TBC1D12: variants seen among roughly 807,000 people sequenced by gnomAD.
TBC1D12 encodes the protein TBC1 domain family member 12.
In TBC1D12, 56 loss-of-function variants were observed where a neutral mutation model predicts 86.7. The observed-to-expected ratio is 0.65, with a 90% CI of 0.52 to 0.81. The LOEUF (loss-of-function observed/expected upper bound fraction) is 0.81. TBC1D12 is among the 30% of genes least tolerant of loss of function. The probability of loss-of-function intolerance (pLI) is 0.00; values close to 1 mark genes in which losing one functional copy is unlikely to be tolerated. For synonymous variants in TBC1D12, 421 were observed against 411.7 expected, an observed-to-expected ratio of 1.02 and a Z score of -0.27; for missense variants, 1,023 against 1,038.8, an observed-to-expected ratio of 0.98 and a Z score of 0.21.
At chr10:94,472,775 G>T (rs2055927785) in intron 2 of TBC1D12, among the ~76,000 whole-genome samples, 1 of 152,110 alleles carries the variant, frequency 6.6e-6, no homozygotes, top group African/African-American at 2.4e-5. Context: ...TATTGTTTTT[G>T]ATTATGAACG....
At chr10:94,447,165 ACTTTC>A (rs1050597288) in intron 2 of TBC1D12, among the ~76,000 whole-genome samples, 6 of 151,448 alleles carry the variant, frequency 4.0e-5, no homozygotes, top group Admixed American at 1.3e-4. Flanking sequence ...ATCTCAGTTC[ACTTTC>A]CTTTCACATT....
intron 4 of TBC1D12, among the ~76,000 whole-genome samples, 170 bp from the exon 5 acceptor site, chr10:94,496,885 T>C (rs1051897350): frequency 5.3e-5 from 8 of 152,202 alleles, no homozygotes; most frequent in Non-Finnish European, 1.0e-4. Context: ...TCATTTACTT[T>C]CACTTTTTCC....
At chr10:94,427,833 C>CAAAAAAAAAAAA (rs71031576) in intron 1 of TBC1D12, among the ~76,000 whole-genome samples, 3 of 67,048 alleles carry the variant, frequency 4.5e-5, no homozygotes, top group African/African-American at 5.9e-5. Flanking sequence ...CCCTGTCTCA[C>CAAAAAAAAAAAA]AAAAAAAAAA....
intron 4 of TBC1D12, among the ~76,000 whole-genome samples, chr10:94,496,789 A>T (rs1369866189): frequency 1.3e-5 from 2 of 152,228 alleles, no homozygotes; most frequent in Non-Finnish European, 2.9e-5. Flanking sequence ...ATTTAAGTCC[A>T]GGAGTTCAAG....
intron 3 of TBC1D12, among the ~76,000 whole-genome samples, chr10:94,484,350 C>T (rs1209355903): frequency 2.0e-5 from 3 of 151,266 alleles, no homozygotes; most frequent in East Asian, 1.9e-4. Context: ...TGGGTTCAAG[C>T]GATTCTCCTG....
At chr10:94,476,556 A>C (rs2055990923) in intron 3 of TBC1D12, among the ~76,000 whole-genome samples, 1 of 152,224 alleles carries the variant, frequency 6.6e-6, no homozygotes, top group South Asian at 2.1e-4. Flanking sequence ...AAACAAGAAA[A>C]GAATAACTTG....
chr10:94,505,311 G>A (rs759062324), intron 6 of TBC1D12, among the ~76,000 whole-genome samples: 2 of 152,166 alleles, frequency 1.3e-5, no homozygotes, highest in Non-Finnish European at 2.9e-5. Flanking sequence ...TGGTGTGGTG[G>A]CTTACGCCTG....
chr10:94,513,522 C>T (rs576059987), intron 9 of TBC1D12, among the ~76,000 whole-genome samples: 2 of 152,182 alleles, frequency 1.3e-5, no homozygotes, highest in South Asian at 4.1e-4. Flanking sequence ...TAATATTTTA[C>T]ATTTTTGCTT....
chr10:94,409,765 A>G (rs1270771075), intron 1 of TBC1D12, among the ~76,000 whole-genome samples: 2 of 152,182 alleles, frequency 1.3e-5, no homozygotes, highest in African/African-American at 2.4e-5. Flanking sequence ...AAATCTCTAC[A>G]TTATCCAAAA....
At chr10:94,495,323 C>T (rs541806549) in intron 4 of TBC1D12, among the ~76,000 whole-genome samples, 25 of 152,210 alleles carry the variant, frequency 1.6e-4, no homozygotes, top group African/African-American at 5.8e-4. Flanking sequence ...CATGCCCAGC[C>T]CCAGCTCATT....
At chr10:94,424,945 A>G (rs1490414693) in intron 1 of TBC1D12, among the ~76,000 whole-genome samples, 6 of 152,328 alleles carry the variant, frequency 3.9e-5, no homozygotes, top group South Asian at 4.1e-4. Context: ...CAGCTGTCCC[A>G]TAGGGAGGTG....
At chr10:94,521,883 G>A in intron 9 of TBC1D12, 72 bp from the exon 10 acceptor site, 3 of 1,313,014 alleles carry the variant, frequency 2.3e-6, no homozygotes, top group South Asian at 4.3e-5. Flanking sequence ...AATTTTTCAG[G>A]AGTACAATAA....
chr10:94,508,827 TTTTCCCCTTG>T (rs1298031687), intron 7 of TBC1D12: 5 of 152,220 alleles, frequency 3.3e-5, no homozygotes, highest in Non-Finnish European at 7.3e-5. Flanking sequence ...TGTCGGCTGT[TTTTCCCCTTG>T]TTTCCCCTTT....
chr10:94,465,012 G>A (rs986051333), intron 2 of TBC1D12, among the ~76,000 whole-genome samples: 2 of 152,196 alleles, frequency 1.3e-5, no homozygotes, highest in South Asian at 2.1e-4. Context: ...GTAGTAAAGA[G>A]AAGAACGTTT....
At chr10:94,521,538 A>T in intron 9 of TBC1D12, among the ~76,000 whole-genome samples, 1 of 152,220 alleles carries the variant, frequency 6.6e-6, no homozygotes, top group Non-Finnish European at 1.5e-5. Context: ...CTTCTGATAG[A>T]TCTCTTTTAT....
intron 7 of TBC1D12, 111 bp from the exon 8 acceptor site, chr10:94,509,980 T>A (rs975115083): frequency 4.2e-6 from 3 of 715,520 alleles, no homozygotes; most frequent in East Asian, 5.8e-5. Context: ...ATTTCTTGAT[T>A]ATTCAGCTTT....
Position 94,403,409 on chromosome 10 carries a change from T to G in TBC1D12, c.796T>G (p.Phe266Val), listed in dbSNP as rs956791421. ...TNGGAEPRLG[F>V]SDIHFNSRNT... ...TGGGGGTGCGGAGCCGCGCCTGGGC[T>G]TTTCTGACATTCACTTCAACTCTCG... Residue 266 changes from phenylalanine (F) to valine (V), a missense_variant, in exon 1 of 13, where the codon TTT (phenylalanine) becomes GTT (valine). Phe to Val is a conservative substitution (Grantham distance 50). Coordinates refer to ENST00000225235, the MANE Select transcript of TBC1D12 (RefSeq NM_015188.2). 21 of 1,548,814 alleles carry G rather than the reference T, an allele frequency of 1.4e-5. No individual in the cohort carries two copies. The highest frequency in any genetic ancestry group is 1.7e-5 in the Non-Finnish European group (20 of 1,147,250).
Position 94,529,444 on chromosome 10 carries a change from C to T in TBC1D12, c.2001-1758C>T, listed in dbSNP as rs535620506. On this transcript the variant is annotated intron_variant, in intron 11 of 12. Coordinates refer to ENST00000225235, the MANE Select transcript of TBC1D12 (RefSeq NM_015188.2). Reference sequence around the variant, plus strand: ...GACCAGCCTGACCAACATGGAGAAACGCCGTCTCTACTAAAAATACAAAAT... The same window carrying T: ...GACCAGCCTGACCAACATGGAGAAATGCCGTCTCTACTAAAAATACAAAAT... 1.0e-3 allele frequency among the ~76,000 whole-genome samples: 158 copies of T among 152,262 alleles called. 1 individual carries two copies. The highest frequency in any genetic ancestry group is 9.9e-3 in the South Asian group (48 of 4,828).
At chr10:94,405,099 T>C (rs1336125292) in intron 1 of TBC1D12, among the ~76,000 whole-genome samples, 3 of 151,412 alleles carry the variant, frequency 2.0e-5, no homozygotes, top group East Asian at 3.9e-4. Context: ...GACACGCCTT[T>C]TTCTTCTTCT....
Sources: allele counts gnomAD v4.1 joint callset (sites outside exome capture counted in the v4.1 genomes callset), GRCh38; gene constraint gnomAD v4.1.1; transcripts MANE v1.5; gene names NCBI Gene and HGNC (gene_info 2026-07-23, HGNC 2026-07-21).